Variants in DUSP11 observed in about 807,000 individuals in gnomAD.
DUSP11 encodes RNA/RNP complex-1-interacting phosphatase.
In DUSP11, 27 loss-of-function variants were observed where a neutral mutation model predicts 41.4. The observed-to-expected ratio is 0.65, with a 90% CI of 0.48 to 0.90. The LOEUF (loss-of-function observed/expected upper bound fraction) is 0.90. Among genes scored for constraint, DUSP11 ranks in the 40% least tolerant of loss-of-function variants. The pLI is 0.00. For missense variants in DUSP11, 465 were observed against 461.1 expected, an observed-to-expected ratio of 1.01 and a Z score of -0.08; for synonymous variants, 188 against 159.3, an observed-to-expected ratio of 1.18 and a Z score of -1.35.
Position 73,775,965 on chromosome 2 carries a change from G to A in DUSP11, c.319-921C>T, listed in dbSNP as rs1258790583. On this transcript the variant is annotated intron_variant, in intron 2 of 8. Transcript: ENST00000272444. ...TGAGCTCAAGCAACCCTCCTGTCTCGGCCTCACAAATAAATATTTCTCACA... is the reference window on the plus strand; with the variant it reads ...TGAGCTCAAGCAACCCTCCTGTCTCAGCCTCACAAATAAATATTTCTCACA... Among the ~76,000 whole-genome samples, 9 of 150,554 alleles carry A rather than the reference G, an allele frequency of 6.0e-5. No homozygotes were observed. The East Asian group carries it at 9.7e-4, about 16-fold the overall frequency.
exon 9 of DUSP11, chr2:73,762,704 T>C: frequency 6.2e-7 from 1 of 1,613,500 alleles, no homozygotes; most frequent in Non-Finnish European, 8.5e-7. Flanking sequence ...GAGTCTGGAG[T>C]AATTATAAGG....
At chr2:73,771,476 T>C (rs1672570999) in intron 4 of DUSP11, among the ~76,000 whole-genome samples, 1 of 151,968 alleles carries the variant, frequency 6.6e-6, no homozygotes, top group Non-Finnish European at 1.5e-5. Context: ...TATTCTTTTA[T>C]TATGATGAAC....
At chr2:73,764,967 A>C (rs1293887569) in intron 8 of DUSP11, among the ~76,000 whole-genome samples, 1 of 151,432 alleles carries the variant, frequency 6.6e-6, no homozygotes, top group Non-Finnish European at 1.5e-5. Flanking sequence ...CTCTGTCACC[A>C]AAAAAAAAGC....
chr2:73,773,479 T>C (rs936764217), intron 4 of DUSP11: 17 of 378,596 alleles, frequency 4.5e-5, no homozygotes, highest in Middle Eastern at 7.2e-4. Flanking sequence ...TTTTTAATCT[T>C]TTCTTCTACT....
At chr2:73,762,285 C>A in exon 9 of DUSP11, 1 of 155,144 alleles carries the variant, frequency 6.4e-6, no homozygotes, top group Admixed American at 6.4e-5. Flanking sequence ...GGGTCAATAA[C>A]AGAACATAAC....
intron 2 of DUSP11, among the ~76,000 whole-genome samples, chr2:73,775,430 G>A (rs532567825): frequency 2.2e-4 from 32 of 145,554 alleles, no homozygotes; most frequent in African/African-American, 8.2e-4. Context: ...CCAGGCTGGA[G>A]TGCAGTGACA....
rs537351749 is a variant in DUSP11 at position 73,777,114 on chromosome 2, G to A, written c.318+1187C>T. Among the ~76,000 whole-genome samples the A allele has an allele frequency of 3.9e-5, 6 of 152,222 alleles. No homozygotes were observed. The East Asian group carries it at 9.7e-4, about 25-fold the overall frequency. On this transcript the variant is annotated intron_variant, in intron 2 of 8. Transcript: ENST00000272444. Reference sequence around the variant, plus strand: ...TCCCACTTCAGCCTCCTGAGCAGCTGAGACTACAAGCACACGCCACCGCGC... The same window carrying A: ...TCCCACTTCAGCCTCCTGAGCAGCTAAGACTACAAGCACACGCCACCGCGC...
intron 2 of DUSP11, 65 bp downstream of exon 2, chr2:73,778,236 G>A (rs967782090): frequency 1.7e-5 from 18 of 1,040,188 alleles, no homozygotes; most frequent in Middle Eastern, 2.0e-4. Flanking sequence ...GTGATAGAGT[G>A]GAGAGCAGTG....
intron 4 of DUSP11, among the ~76,000 whole-genome samples, chr2:73,772,424 A>C (rs988361264): frequency 1.3e-5 from 2 of 152,232 alleles, no homozygotes; most frequent in African/African-American, 4.8e-5. Flanking sequence ...TGAGTACTGC[A>C]AGACTTAGAC....
intron 8 of DUSP11, among the ~76,000 whole-genome samples, chr2:73,765,565 C>T (rs1435186465): frequency 6.7e-6 from 1 of 149,864 alleles, no homozygotes; most frequent in Non-Finnish European, 1.5e-5. Context: ...CCCATCCACC[C>T]ATCCATCTAT....
At chr2:73,780,071 T>G (rs1175842849) in exon 1 of DUSP11, 5 of 1,598,588 alleles carry the variant, frequency 3.1e-6, no homozygotes, top group East Asian at 2.3e-5. Flanking sequence ...AGGAAAAGAC[T>G]CGGCAGCCAC....
rs756686336 is a variant in DUSP11, at chr2:73,778,407, G to C, written c.243-31C>G. 12 of 1,384,136 alleles carry C rather than the reference G, an allele frequency of 8.7e-6. No homozygotes were observed. In the South Asian group the frequency reaches 1.6e-4, roughly 18 times the overall value. 85.7% of individuals were successfully genotyped at this position (1,384,136 alleles called of 1,614,324 possible). On this transcript the variant is annotated intron_variant, in intron 1 of 8. Transcript: ENST00000272444. ...AGATATATTTTTTGTTAGCCAAATT[G>C]TATGTTAGCCTTGTTTCCTTGCACA...
chr2:73,773,369 T>C, intron 4 of DUSP11: 1 of 237,944 alleles, frequency 4.2e-6, no homozygotes, highest in East Asian at 1.2e-4. Context: ...AAAGGGGCAA[T>C]TCCACTGGTG....
At chr2:73,768,838 C>A in intron 5 of DUSP11, 1 of 188,914 alleles carries the variant, frequency 5.3e-6, no homozygotes, top group Non-Finnish European at 9.9e-6. Context: ...CACCTGTAGT[C>A]CCAGCTACTT....
chr2:73,775,086 T>A, intron 2 of DUSP11, 42 bp from the exon 3 acceptor site: 1 of 1,571,790 alleles, frequency 6.4e-7, no homozygotes, highest in Non-Finnish European at 8.7e-7. Context: ...GTGCTTAAAA[T>A]CCTGTACTAC....
At chr2:73,779,831 C>G (rs749626548) in intron 1 of DUSP11, 43 bp downstream of exon 1, 2 of 1,609,082 alleles carry the variant, frequency 1.2e-6, no homozygotes, top group Non-Finnish European at 1.7e-6. Context: ...GACCCAGAAG[C>G]CACGAGCTGG....
intron 5 of DUSP11, 198 bp downstream of exon 5, chr2:73,769,067 T>C (rs941779015): frequency 7.7e-6 from 4 of 519,780 alleles, no homozygotes; most frequent in Non-Finnish European, 1.4e-5. Context: ...TTCAATAACA[T>C]GTATGCTTGT....
chr2:73,775,263 A>G (rs989821125), intron 2 of DUSP11, among the ~76,000 whole-genome samples: 1 of 151,994 alleles, frequency 6.6e-6, no homozygotes, highest in Admixed American at 6.6e-5. Flanking sequence ...TATTTGTTTC[A>G]TGTTGGTCTC....
At chr2:73,773,894 T>A in exon 4 of DUSP11, 1 of 1,604,256 alleles carries the variant, frequency 6.2e-7, no homozygotes, top group Non-Finnish European at 8.5e-7. Context: ...CTGTAAAAAT[T>A]TTTAAGTAAG....
Sources: allele counts gnomAD v4.1 joint callset (sites outside exome capture counted in the v4.1 genomes callset), GRCh38; gene constraint gnomAD v4.1.1; transcripts MANE v1.5; gene names NCBI Gene and HGNC (gene_info 2026-07-23, HGNC 2026-07-21).